Variants in CADM2 observed in about 807,000 individuals in gnomAD.
CADM2 encodes cell adhesion molecule 2, also known as immunoglobulin superfamily member 4D.
In CADM2, 12 loss-of-function variants were observed where a neutral mutation model predicts 49.8. The observed-to-expected ratio is 0.24, with a 90% confidence interval of 0.15 to 0.39. CADM2 has a LOEUF of 0.39. CADM2 is among the 10% of genes least tolerant of loss of function. The probability of loss-of-function intolerance (pLI) is 1.00; values close to 1 mark genes in which losing one functional copy is unlikely to be tolerated. For missense variants in CADM2, 378 were observed against 492.3 expected (o/e 0.77, Z 2.20); for synonymous variants, 214 against 175.4 (o/e 1.22, Z -1.74).
intron 1 of CADM2, among the ~76,000 whole-genome samples, chr3:85,537,650 T>G (rs902595955): frequency 4.6e-5 from 7 of 151,974 alleles, no homozygotes; most frequent in African/African-American, 1.4e-4. Context: ...TATTTTAACA[T>G]GTCATGTTAT....
At chr3:85,636,250 G>T (rs183522776) in intron 1 of CADM2, among the ~76,000 whole-genome samples, 2 of 152,228 alleles carry the variant, frequency 1.3e-5, no homozygotes, top group African/African-American at 4.8e-5. Flanking sequence ...AGAGGTGACA[G>T]ACAATGACAC....
At chr3:85,459,486 G>C (rs908764834) in intron 1 of CADM2, among the ~76,000 whole-genome samples, 3 of 152,140 alleles carry the variant, frequency 2.0e-5, no homozygotes, top group African/African-American at 7.2e-5. Context: ...GGACTACGCT[G>C]TGTCAAACAG....
intron 1 of CADM2, among the ~76,000 whole-genome samples, chr3:85,414,909 G>A (rs2035846017): frequency 6.6e-6 from 1 of 152,088 alleles, no homozygotes; most frequent in South Asian, 2.1e-4. Context: ...TGACTCTTCA[G>A]CTGAAATTCT....
intron 1 of CADM2, among the ~76,000 whole-genome samples, chr3:85,646,745 A>G (rs2064900474): frequency 6.6e-6 from 1 of 151,836 alleles, no homozygotes; most frequent in Non-Finnish European, 1.5e-5. Flanking sequence ...TCTATTTTTG[A>G]CTTATACTTG....
intron 1 of CADM2, among the ~76,000 whole-genome samples, chr3:85,652,414 G>C (rs190695554): frequency 6.6e-6 from 1 of 152,090 alleles, no homozygotes; most frequent in Admixed American, 6.6e-5. Context: ...CACCTTAGCT[G>C]GGTCCTATAA....
At chr3:85,464,658 A>G (rs544647285) in intron 1 of CADM2, among the ~76,000 whole-genome samples, 3 of 152,344 alleles carry the variant, frequency 2.0e-5, no homozygotes, top group East Asian at 3.9e-4. Flanking sequence ...ATATGAAGAT[A>G]CAATTCGTTT....
At chr3:85,778,153 A>G (rs2070450445) in intron 2 of CADM2, among the ~76,000 whole-genome samples, 1 of 152,156 alleles carries the variant, frequency 6.6e-6, no homozygotes, top group Non-Finnish European at 1.5e-5. Flanking sequence ...AAGCAACATT[A>G]TTAGTCTGTT....
chr3:85,097,449 G>A (rs549175936), intron 1 of CADM2, among the ~76,000 whole-genome samples: 36 of 152,180 alleles, frequency 2.4e-4, no homozygotes, highest in East Asian at 3.9e-4. Context: ...GAATAGTGCC[G>A]CAATAAACAT....
intron 8 of CADM2, among the ~76,000 whole-genome samples, chr3:85,999,575 A>C (rs1729890366): frequency 6.8e-6 from 1 of 146,360 alleles, no homozygotes; most frequent in Admixed American, 6.9e-5. Flanking sequence ...GGCAGGAAGG[A>C]AGGAAGGGAG....
intron 1 of CADM2, among the ~76,000 whole-genome samples, chr3:85,498,865 A>T (rs2040006993): frequency 6.6e-6 from 1 of 152,138 alleles, no homozygotes; most frequent in Non-Finnish European, 1.5e-5. Flanking sequence ...AAAGGGAATT[A>T]ACTGTGTACA....
intron 2 of CADM2, among the ~76,000 whole-genome samples, chr3:85,734,997 T>TGTGTGC (rs1686480126): frequency 6.6e-6 from 1 of 151,158 alleles, no homozygotes. Context: ...TGTGTGTGTG[T>TGTGTGC]GTATGTGTGT....
chr3:85,623,856 C>T (rs1405147905), intron 1 of CADM2, among the ~76,000 whole-genome samples: 1 of 151,922 alleles, frequency 6.6e-6, no homozygotes, highest in East Asian at 1.9e-4. Context: ...ATTGTAGAAT[C>T]ATTTTTTATT....
At chr3:85,633,350 T>C (rs2107527799) in intron 1 of CADM2, among the ~76,000 whole-genome samples, 1 of 152,198 alleles carries the variant, frequency 6.6e-6, no homozygotes, top group South Asian at 2.1e-4. Context: ...AAGTCTAGCT[T>C]GCTGGAGATG....
chr3:85,629,629 A>C (rs886235183), intron 1 of CADM2, among the ~76,000 whole-genome samples: 2 of 152,000 alleles, frequency 1.3e-5, no homozygotes, highest in African/African-American at 2.4e-5. Flanking sequence ...AGTCTTCACA[A>C]TAGAACTATG....
intron 1 of CADM2, among the ~76,000 whole-genome samples, chr3:85,458,684 T>C (rs1473455274): frequency 6.6e-6 from 1 of 152,092 alleles, no homozygotes; most frequent in Non-Finnish European, 1.5e-5. Context: ...GAAAAGAGGA[T>C]TGGGGGCCAA....
chr3:85,045,638 G>A (rs2035626138), intron 1 of CADM2, among the ~76,000 whole-genome samples: 1 of 118,918 alleles, frequency 8.4e-6, no homozygotes, highest in African/African-American at 2.9e-5. Context: ...TGCGTGAGGA[G>A]AATGTGTAGC....
intron 1 of CADM2, among the ~76,000 whole-genome samples, chr3:85,550,547 A>C (rs987463507): frequency 6.6e-6 from 1 of 152,194 alleles, no homozygotes; most frequent in Non-Finnish European, 1.5e-5. Context: ...CAAGTTTGGG[A>C]ATAACTGATG....
intron 1 of CADM2, among the ~76,000 whole-genome samples, chr3:85,503,826 G>C (rs1385785710): frequency 1.3e-5 from 2 of 152,186 alleles, no homozygotes; most frequent in East Asian, 3.8e-4. Context: ...GAATGACTTT[G>C]CTGAGTGAAT....
intron 5 of CADM2, among the ~76,000 whole-genome samples, chr3:85,889,547 A>G (rs1203069315): frequency 6.6e-6 from 1 of 152,190 alleles, no homozygotes; most frequent in Non-Finnish European, 1.5e-5. Flanking sequence ...TCAGTAAACT[A>G]TACAGAAGTC....
Sources: allele counts gnomAD v4.1 joint callset (sites outside exome capture counted in the v4.1 genomes callset), GRCh38; gene constraint gnomAD v4.1.1; transcripts MANE v1.5; gene names NCBI Gene and HGNC (gene_info 2026-07-23, HGNC 2026-07-21).